Variants in SORCS3 observed in about 807,000 individuals in gnomAD.
SORCS3 encodes the protein sortilin related VPS10 domain containing receptor 3, also known as VPS10 domain-containing receptor SorCS3.
In SORCS3, 57 loss-of-function variants were observed where a neutral mutation model predicts 146.3. The ratio of observed to expected loss-of-function variants is 0.39; its 90% confidence interval spans 0.31 to 0.49. The LOEUF is 0.49. Among genes scored for constraint, SORCS3 ranks in the 20% least tolerant of loss-of-function variants. The pLI is 0.92. For synonymous variants in SORCS3, 653 were observed against 618.5 expected, an observed-to-expected ratio of 1.06 and a Z score of -0.83; for missense variants, 1,341 against 1,575.5, an observed-to-expected ratio of 0.85 and a Z score of 2.52.
At chr10:105,115,470 G>A (rs762943117) in intron 7 of SORCS3, among the ~76,000 whole-genome samples, 5 of 152,074 alleles carry the variant, frequency 3.3e-5, no homozygotes, top group South Asian at 2.1e-4. Context: ...CTCCAAATTC[G>A]TTTTTAAATT....
chr10:104,650,966 C>A (rs2015551682), intron 1 of SORCS3, among the ~76,000 whole-genome samples: 1 of 152,156 alleles, frequency 6.6e-6, no homozygotes, highest in Non-Finnish European at 1.5e-5. Flanking sequence ...AAAATCTGTT[C>A]TCAGTGGGAG....
At chr10:104,753,412 A>G (rs1368672410) in intron 1 of SORCS3, among the ~76,000 whole-genome samples, 1 of 152,202 alleles carries the variant, frequency 6.6e-6, no homozygotes, top group African/African-American at 2.4e-5. Flanking sequence ...TTATGTCAAG[A>G]GGAGAATGAA....
chr10:105,060,226 G>A (rs2055475829), intron 5 of SORCS3, among the ~76,000 whole-genome samples: 1 of 152,130 alleles, frequency 6.6e-6, no homozygotes, highest in African/African-American at 2.4e-5. Flanking sequence ...GGTGGGTAAT[G>A]GCGGACATTT....
rs550554404 is a variant in SORCS3, at chr10:105,089,801, C to T, written c.1055C>T (p.Ala352Val). 28 of 1,614,062 alleles carry T rather than the reference C, an allele frequency of 1.7e-5. No individual in the cohort carries two copies. In the Admixed American group the frequency reaches 2.0e-4, roughly 12 times the overall value. ...YWSVAGLDKE[A>V]DLVHMEVRTT... ...TCGGTGGCCGGATTGGATAAGGAGG[C>T]GGACCTGGTGCACATGGAGGTGCGG... Residue 352 changes from alanine to valine, a missense_variant, in exon 6 of 27, where the codon GCG becomes GTG. Transcript: ENST00000369701.
chr10:104,959,656 T>A (rs138747590), intron 3 of SORCS3, among the ~76,000 whole-genome samples: 4 of 152,222 alleles, frequency 2.6e-5, no homozygotes, highest in Non-Finnish European at 4.4e-5. Context: ...AGAGCAAGGA[T>A]CAAGGAGACA....
chr10:104,881,939 C>A (rs936515783), intron 2 of SORCS3, among the ~76,000 whole-genome samples: 5 of 152,148 alleles, frequency 3.3e-5, no homozygotes, highest in Non-Finnish European at 7.3e-5. Context: ...GATTTAAAAA[C>A]TCTTTGCATC....
At chr10:104,978,495 T>C (rs943450559) in intron 4 of SORCS3, among the ~76,000 whole-genome samples, 1 of 152,216 alleles carries the variant, frequency 6.6e-6, no homozygotes, top group East Asian at 1.9e-4. Context: ...CGCCCCAGCA[T>C]AGCTGGCTCT....
chr10:104,856,487 A>ATTATAT (rs1223273078), intron 2 of SORCS3, among the ~76,000 whole-genome samples: 1 of 120,398 alleles, frequency 8.3e-6, no homozygotes, highest in African/African-American at 4.5e-5. Flanking sequence ...CCTCTAATTG[A>ATTATAT]TTATATTTAT....
intron 4 of SORCS3, among the ~76,000 whole-genome samples, chr10:105,031,046 G>C (rs886139645): frequency 5.3e-5 from 8 of 151,562 alleles, no homozygotes; most frequent in Non-Finnish European, 1.2e-4. Flanking sequence ...TGTAATCCCA[G>C]CACTTTGGGA....
intron 1 of SORCS3, among the ~76,000 whole-genome samples, chr10:104,694,005 A>C (rs2016144811): frequency 6.6e-6 from 1 of 152,052 alleles, no homozygotes; most frequent in Admixed American, 6.6e-5. Context: ...ACACAGGATG[A>C]GTACAGGTTT....
chr10:104,703,233 T>C (rs191239670), intron 1 of SORCS3, among the ~76,000 whole-genome samples: 1 of 152,152 alleles, frequency 6.6e-6, no homozygotes, highest in East Asian at 1.9e-4. Context: ...GAAAACCAAG[T>C]TTAAAAGTGG....
chr10:104,896,170 C>A (rs2018795783), intron 2 of SORCS3, among the ~76,000 whole-genome samples: 1 of 152,140 alleles, frequency 6.6e-6, no homozygotes, highest in Admixed American at 6.5e-5. Flanking sequence ...CCACATGGGC[C>A]TGGCCAGATT....
intron 23 of SORCS3, among the ~76,000 whole-genome samples, chr10:105,253,867 T>TA (rs886828104): frequency 6.6e-6 from 1 of 152,230 alleles, no homozygotes; most frequent in African/African-American, 2.4e-5. Flanking sequence ...TTTAGCTTCT[T>TA]AATGCATACA....
At chr10:105,066,601 A>C (rs1323907518) in intron 5 of SORCS3, among the ~76,000 whole-genome samples, 1 of 152,128 alleles carries the variant, frequency 6.6e-6, no homozygotes, top group East Asian at 1.9e-4. Context: ...AGGCACCCTC[A>C]GCATGTCATG....
At chr10:105,124,599 T>G (rs2055959364) in intron 7 of SORCS3, among the ~76,000 whole-genome samples, 1 of 152,200 alleles carries the variant, frequency 6.6e-6, no homozygotes, top group African/African-American at 2.4e-5. Context: ...AAAAATACAT[T>G]AAAAAGATCA....
At chr10:104,999,379 G>A (rs1156677501) in intron 4 of SORCS3, among the ~76,000 whole-genome samples, 5 of 152,132 alleles carry the variant, frequency 3.3e-5, no homozygotes, top group African/African-American at 1.2e-4. Flanking sequence ...CCCTCAGAAA[G>A]CAGACAATTC....
intron 5 of SORCS3, among the ~76,000 whole-genome samples, chr10:105,078,021 G>A (rs751530093): frequency 5.9e-5 from 9 of 152,130 alleles, no homozygotes; most frequent in African/African-American, 1.4e-4. Context: ...CTGCCCTAGC[G>A]TTTTCACAGG....
chr10:105,023,595 C>A (rs2055210294), intron 4 of SORCS3, among the ~76,000 whole-genome samples: 1 of 152,148 alleles, frequency 6.6e-6, no homozygotes, highest in Non-Finnish European at 1.5e-5. Context: ...GAGTCGCAGG[C>A]TGTGCACCAT....
chr10:104,672,490 G>C (rs992519063), intron 1 of SORCS3, among the ~76,000 whole-genome samples: 15 of 151,700 alleles, frequency 9.9e-5, no homozygotes, highest in African/African-American at 3.6e-4. Flanking sequence ...TATTTTTCCT[G>C]TCTGCTAGCT....
Sources: allele counts gnomAD v4.1 joint callset (sites outside exome capture counted in the v4.1 genomes callset), GRCh38; gene constraint gnomAD v4.1.1; transcripts MANE v1.5; gene names NCBI Gene and HGNC (gene_info 2026-07-23, HGNC 2026-07-21).